The following CPNE4 variants were observed in gnomAD, a reference collection of about 807,000 sequenced individuals.
CPNE4 encodes copine 4, also known as copine-4.
A neutral mutation model predicts 67.9 loss-of-function variants in CPNE4; 25 were observed. The observed-to-expected ratio is 0.37, with a 90% CI of 0.27 to 0.51. The LOEUF is 0.51. CPNE4 is among the 20% of genes least tolerant of loss of function. The probability of loss-of-function intolerance (pLI) is 0.93; values close to 1 mark genes in which losing one functional copy is unlikely to be tolerated. For missense variants in CPNE4, 464 were observed against 690.8 expected, an observed-to-expected ratio of 0.67 and a Z score of 3.68; for synonymous variants, 242 against 244.9, an observed-to-expected ratio of 0.99 and a Z score of 0.11.
At chr3:131,985,754 TC>T (rs2073026573) in intron 1 of CPNE4, 1 of 153,142 alleles carries the variant, frequency 6.5e-6, no homozygotes, top group South Asian at 2.1e-4. Context: ...AATACTATAT[TC>T]AATGAAAAAC....
intron 2 of CPNE4, among the ~76,000 whole-genome samples, chr3:131,768,638 C>T (rs140108219): frequency 1.1e-3 from 173 of 152,260 alleles, no homozygotes; most frequent in Non-Finnish European, 1.9e-3. Context: ...GGGAATGGCT[C>T]CCTCTGATCA....
At chr3:131,792,672 C>CACGCGTGTATATATGT (rs1560322350) in intron 2 of CPNE4, among the ~76,000 whole-genome samples, 1 of 32,856 alleles carries the variant, frequency 3.0e-5, no homozygotes, top group African/African-American at 9.9e-5. Flanking sequence ...TGTATATATA[C>CACGCGTGTATATATGT]ATATATACAC....
At chr3:131,766,275 G>T (rs904592106) in intron 2 of CPNE4, among the ~76,000 whole-genome samples, 1 of 43,760 alleles carries the variant, frequency 2.3e-5, no homozygotes. Context: ...GGGTTGTTTT[G>T]AAGATTAAGC....
intron 1 of CPNE4, among the ~76,000 whole-genome samples, chr3:131,912,759 T>C (rs184404623): frequency 6.9e-4 from 105 of 152,276 alleles, no homozygotes; most frequent in Non-Finnish European, 1.1e-3. Context: ...TGAAGTTTCA[T>C]ACTCTGGAGC....
At chr3:132,035,057 A>C (rs556215673), upstream of CPNE4, 1 of 985,346 alleles carries the variant, frequency 1.0e-6, no homozygotes, top group East Asian at 1.1e-4. Context: ...CTGGTTCCGA[A>C]ACCTCCGCGC....
At chr3:131,746,172 A>G (rs190938428) in intron 2 of CPNE4, among the ~76,000 whole-genome samples, 2 of 152,274 alleles carry the variant, frequency 1.3e-5, no homozygotes, top group South Asian at 2.1e-4. Flanking sequence ...GTACATATTT[A>G]TGGGGTACAA....
rs1223956624 is a variant in CPNE4 at position 131,824,040 on chromosome 3, A to G, written c.180+81224T>C. 2.6e-5 allele frequency among the ~76,000 whole-genome samples: 4 copies of G among 152,242 alleles called. No homozygotes were observed. The South Asian group carries it at 6.2e-4, about 24-fold the overall frequency. ...CAGAATCTAACAAAGAATCTTTAAC[A>G]TACTAAACACTCAGGAAATAAAAAC... On this transcript the variant is annotated intron_variant, in intron 2 of 15. Coordinates refer to ENST00000429747, the MANE Select transcript of CPNE4 (RefSeq NM_130808.3).
intron 2 of CPNE4, among the ~76,000 whole-genome samples, chr3:131,743,791 G>T (rs2082409137): frequency 6.6e-6 from 1 of 151,142 alleles, no homozygotes; most frequent in Non-Finnish European, 1.5e-5. Context: ...GTGAAACCCC[G>T]TCTCTACTAA....
intron 2 of CPNE4, among the ~76,000 whole-genome samples, chr3:131,786,320 G>A (rs111634839): frequency 0.034 from 5,160 of 152,120 alleles, 312 homozygotes; most frequent in African/African-American, 0.12. Flanking sequence ...AGATGAGTTT[G>A]CCAGAGTGAC....
chr3:131,723,767 C>T (rs2100075503), intron 2 of CPNE4, 142 bp from the exon 3 acceptor site: 6 of 654,712 alleles, frequency 9.2e-6, no homozygotes, highest in Non-Finnish European at 1.6e-5. Flanking sequence ...TCCAAAAGTA[C>T]AAAGTACAGG....
intron 2 of CPNE4, among the ~76,000 whole-genome samples, chr3:131,762,729 G>T (rs1016535260): frequency 6.6e-6 from 1 of 151,998 alleles, no homozygotes; most frequent in African/African-American, 2.4e-5. Flanking sequence ...ACTGCTTTCT[G>T]CAGGAAGCCT....
intron 7 of CPNE4, among the ~76,000 whole-genome samples, chr3:131,610,322 C>G (rs1939761294): frequency 6.6e-6 from 1 of 152,176 alleles, no homozygotes; most frequent in African/African-American, 2.4e-5. Flanking sequence ...GAACCCTTTG[C>G]AGGGCCAGTG....
intron 2 of CPNE4, among the ~76,000 whole-genome samples, chr3:131,777,247 G>T (rs974460845): frequency 2.6e-5 from 4 of 152,062 alleles, no homozygotes; most frequent in Non-Finnish European, 5.9e-5. Context: ...TCATAAACCA[G>T]GAAAAGCTTT....
At chr3:131,920,736 C>A (rs2070719838) in intron 1 of CPNE4, among the ~76,000 whole-genome samples, 1 of 152,056 alleles carries the variant, frequency 6.6e-6, no homozygotes, top group Admixed American at 6.6e-5. Context: ...CAAATATGAT[C>A]TATGGTGTCA....
intron 7 of CPNE4, among the ~76,000 whole-genome samples, chr3:131,622,805 T>G (rs1379887581): frequency 6.6e-6 from 1 of 152,166 alleles, no homozygotes; most frequent in African/African-American, 2.4e-5. Flanking sequence ...GGGAGATAGC[T>G]GCAAGGCCCA....
intron 6 of CPNE4, among the ~76,000 whole-genome samples, chr3:131,673,724 G>T (rs1422533823): frequency 6.6e-6 from 1 of 151,942 alleles, no homozygotes; most frequent in Non-Finnish European, 1.5e-5. Flanking sequence ...AGAGTCTTTA[G>T]GTTTTTCCAA....
chr3:131,594,620 G>A (rs1582862486), intron 7 of CPNE4, among the ~76,000 whole-genome samples: 1 of 152,144 alleles, frequency 6.6e-6, no homozygotes, highest in African/African-American at 2.4e-5. Context: ...TAAGGATAAA[G>A]TCTTGACATT....
chr3:131,647,194 CAACTGA>C (rs1210571335), intron 7 of CPNE4, among the ~76,000 whole-genome samples: 1 of 152,180 alleles, frequency 6.6e-6, no homozygotes, highest in African/African-American at 2.4e-5. Flanking sequence ...AGCAAGCAGC[CAACTGA>C]AGCTTCCTGA....
intron 1 of CPNE4, among the ~76,000 whole-genome samples, chr3:131,935,308 C>G (rs1297739007): frequency 6.6e-6 from 1 of 152,060 alleles, no homozygotes; most frequent in Non-Finnish European, 1.5e-5. Context: ...AAAAATGAAA[C>G]AGGAAGGGGC....
Sources: allele counts gnomAD v4.1 joint callset (sites outside exome capture counted in the v4.1 genomes callset), GRCh38; gene constraint gnomAD v4.1.1; transcripts MANE v1.5; gene names NCBI Gene and HGNC (gene_info 2026-07-23, HGNC 2026-07-21).